NALF1: variants seen among roughly 807,000 people sequenced by gnomAD.
NALF1 encodes the protein family with sequence similarity 155 member A.
Under a neutral mutation model 48.4 loss-of-function variants are expected in NALF1, and 3 were observed. The observed-to-expected ratio is 0.06, with a 90% CI of 0.03 to 0.16. The LOEUF (loss-of-function observed/expected upper bound fraction) is 0.16, where lower values mean the gene tolerates loss of function less well. NALF1 is among the 10% of genes least tolerant of loss of function. The pLI is 1.00. For missense variants in NALF1, 526 were observed against 571.5 expected (o/e 0.92, Z 0.81); for synonymous variants, 262 against 245.7 (o/e 1.07, Z -0.62).
At chr13:107,353,036 T>G (rs889443618) in intron 1 of NALF1, among the ~76,000 whole-genome samples, 1 of 152,076 alleles carries the variant, frequency 6.6e-6, no homozygotes, top group African/African-American at 2.4e-5. Flanking sequence ...GAGACAACCT[T>G]TGTACCCATG....
At chr13:107,468,578 A>G (rs1885046368) in intron 1 of NALF1, among the ~76,000 whole-genome samples, 1 of 152,224 alleles carries the variant, frequency 6.6e-6, no homozygotes, top group Non-Finnish European at 1.5e-5. Context: ...AAGTAAATCA[A>G]TTTCTATTTT....
chr13:107,177,857 C>G (rs1450292172), intron 2 of NALF1, among the ~76,000 whole-genome samples: 1 of 152,158 alleles, frequency 6.6e-6, no homozygotes, highest in Non-Finnish European at 1.5e-5. Flanking sequence ...TGAGACCACC[C>G]TGGCCAACAT....
intron 1 of NALF1, among the ~76,000 whole-genome samples, chr13:107,344,727 T>C (rs1435461533): frequency 2.6e-5 from 4 of 152,134 alleles, no homozygotes; most frequent in Admixed American, 2.0e-4. Context: ...ATCATTATAT[T>C]CAATGGTTAA....
intron 1 of NALF1, among the ~76,000 whole-genome samples, chr13:107,333,422 C>G (rs1018363255): frequency 6.6e-6 from 1 of 152,164 alleles, no homozygotes; most frequent in African/African-American, 2.4e-5. Context: ...AAAAAGGACG[C>G]ATGCTTACAA....
At chr13:107,444,809 C>T (rs1284060457) in intron 1 of NALF1, among the ~76,000 whole-genome samples, 1 of 151,850 alleles carries the variant, frequency 6.6e-6, no homozygotes. Flanking sequence ...TTTGGATTTC[C>T]ACATACATAT....
intron 1 of NALF1, among the ~76,000 whole-genome samples, chr13:107,607,459 C>T (rs2138429354): frequency 6.6e-6 from 1 of 152,162 alleles, no homozygotes; most frequent in East Asian, 1.9e-4. Flanking sequence ...TTTCAAAACA[C>T]CAGAGGAAGG....
chr13:107,557,289 T>C (rs1364418636), intron 1 of NALF1, among the ~76,000 whole-genome samples: 3 of 152,130 alleles, frequency 2.0e-5, no homozygotes, highest in African/African-American at 7.2e-5. Context: ...GCACAGTCCA[T>C]GTTGAATTCT....
intron 1 of NALF1, among the ~76,000 whole-genome samples, chr13:107,669,718 A>T (rs768791874): frequency 6.6e-6 from 1 of 152,086 alleles, no homozygotes; most frequent in Non-Finnish European, 1.5e-5. Flanking sequence ...TGCTCATTGT[A>T]GTAACTAAAA....
At chr13:107,840,645 C>T (rs1234963674) in intron 1 of NALF1, among the ~76,000 whole-genome samples, 1 of 152,156 alleles carries the variant, frequency 6.6e-6, no homozygotes, top group African/African-American at 2.4e-5. Context: ...TTCGGATACT[C>T]GGGTTCTATT....
intron 1 of NALF1, among the ~76,000 whole-genome samples, chr13:107,857,136 G>C (rs16971350): frequency 0.079 from 11,951 of 152,152 alleles, 752 homozygotes; most frequent in East Asian, 0.23. Context: ...CAGCTTCCAG[G>C]CTTTTCTTCA....
intron 1 of NALF1, among the ~76,000 whole-genome samples, chr13:107,817,774 C>T (rs1196323277): frequency 6.6e-6 from 1 of 152,172 alleles, no homozygotes; most frequent in Non-Finnish European, 1.5e-5. Context: ...CACATCACTG[C>T]CAGCTCCTCC....
At chr13:107,371,552 T>C (rs1442567084) in intron 1 of NALF1, among the ~76,000 whole-genome samples, 2 of 152,180 alleles carry the variant, frequency 1.3e-5, no homozygotes, top group Non-Finnish European at 2.9e-5. Context: ...GACTAAACTT[T>C]TTCTTAAGAG....
intron 1 of NALF1, among the ~76,000 whole-genome samples, chr13:107,601,944 T>A (rs1202977800): frequency 6.6e-6 from 1 of 152,128 alleles, no homozygotes; most frequent in African/African-American, 2.4e-5. Flanking sequence ...CACTTCCCTA[T>A]CCTTTTTTGT....
intron 1 of NALF1, among the ~76,000 whole-genome samples, chr13:107,568,548 C>T (rs1349475266): frequency 1.3e-5 from 2 of 152,262 alleles, no homozygotes; most frequent in East Asian, 3.9e-4. Context: ...AATAGCTGTA[C>T]CATTTTACGT....
chr13:107,237,822 G>T (rs906537244), intron 1 of NALF1, among the ~76,000 whole-genome samples: 1 of 152,112 alleles, frequency 6.6e-6, no homozygotes, highest in East Asian at 1.9e-4. Flanking sequence ...TATGTATATT[G>T]GGTGAAAAGA....
chr13:107,392,446 A>C (rs1324163860), intron 1 of NALF1, among the ~76,000 whole-genome samples: 1 of 152,054 alleles, frequency 6.6e-6, no homozygotes, highest in African/African-American at 2.4e-5. Flanking sequence ...TCCTTTTCCT[A>C]ACAAATTCTG....
intron 1 of NALF1, among the ~76,000 whole-genome samples, chr13:107,246,568 C>T (rs1880590111): frequency 6.6e-6 from 1 of 152,124 alleles, no homozygotes. Context: ...CTGATATATC[C>T]TCAAAGATGC....
At chr13:107,837,471 C>T (rs1879928283) in intron 1 of NALF1, among the ~76,000 whole-genome samples, 1 of 152,062 alleles carries the variant, frequency 6.6e-6, no homozygotes, top group Admixed American at 6.6e-5. Flanking sequence ...TACCACCTCC[C>T]ACTATCAGAT....
chr13:107,215,425 CAG>C (rs1390463602), intron 1 of NALF1, among the ~76,000 whole-genome samples: 3 of 152,034 alleles, frequency 2.0e-5, no homozygotes, highest in African/African-American at 7.2e-5. Flanking sequence ...AAGAGGTGAT[CAG>C]GGAGAGCAAA....
Sources: allele counts gnomAD v4.1 joint callset (sites outside exome capture counted in the v4.1 genomes callset), GRCh38; gene constraint gnomAD v4.1.1; transcripts MANE v1.5; gene names NCBI Gene and HGNC (gene_info 2026-07-23, HGNC 2026-07-21).